NEDD9: variants seen among roughly 807,000 people sequenced by gnomAD.
NEDD9 encodes neural precursor cell expressed, developmentally down-regulated 9.
In NEDD9, 26 loss-of-function variants were observed where a neutral mutation model predicts 76.6. The observed-to-expected ratio is 0.34, with a 90% CI of 0.25 to 0.47. The LOEUF (loss-of-function observed/expected upper bound fraction) is 0.47. Among genes scored for constraint, NEDD9 ranks in the 20% least tolerant of loss-of-function variants. The pLI, the probability that NEDD9 is intolerant of heterozygous loss-of-function variation, is 1.00. For missense variants in NEDD9, 937 were observed against 1,058.5 expected (o/e 0.89, Z 1.59); for synonymous variants, 392 against 414.2 (o/e 0.95, Z 0.65).
intron 1 of NEDD9, among the ~76,000 whole-genome samples, chr6:11,218,863 G>T (rs1759053542): frequency 6.6e-6 from 1 of 152,188 alleles, no homozygotes; most frequent in Non-Finnish European, 1.5e-5. Flanking sequence ...ACAGGATAAT[G>T]ACGCAGATCG....
intron 3 of NEDD9, among the ~76,000 whole-genome samples, chr6:11,288,585 C>T (rs941550297): frequency 2.0e-5 from 3 of 152,192 alleles, no homozygotes; most frequent in Admixed American, 1.3e-4. Context: ...TCAACACTGC[C>T]AAGACTATGT....
chr6:11,305,940 A>G, intron 3 of NEDD9: 2 of 1,605,172 alleles, frequency 1.2e-6, no homozygotes, highest in Non-Finnish European at 1.7e-6. Context: ...AGGCTGAGCA[A>G]ACTGGAAAAA....
rs1273622958 is a variant in NEDD9 at position 11,184,838 on chromosome 6, G to T, written c.*324C>A. The T allele has an allele frequency of 5.1e-6, 1 of 194,972 alleles. No individual in the cohort carries two copies. Among genetic ancestry groups the T allele is most frequent in the Non-Finnish European group, 1.0e-5 (1 of 95,862 alleles). 12.1% of individuals were successfully genotyped at this position (194,972 alleles called of 1,614,324 possible). A position where few individuals can be genotyped will look rare whatever the true frequency, so the allele number is the denominator to read the frequency against. On this transcript the variant is annotated 3_prime_UTR_variant, in exon 7 of 7. Coordinates refer to ENST00000379446, the MANE Select transcript of NEDD9 (RefSeq NM_006403.4). ...TTACTAAGGTGCTTCGTAATTCATG[G>T]TTTTTTTTTTAATGAAATGCATCAG...
At chr6:11,283,756 G>A (rs185500907) in intron 3 of NEDD9, among the ~76,000 whole-genome samples, 2 of 152,232 alleles carry the variant, frequency 1.3e-5, no homozygotes, top group East Asian at 1.9e-4. Flanking sequence ...AAGATAATTC[G>A]TATTTTTATA....
chr6:11,251,785 T>C (rs928115303), intron 3 of NEDD9: 1 of 152,244 alleles, frequency 6.6e-6, no homozygotes, highest in Non-Finnish European at 1.5e-5. Flanking sequence ...GAGAATATTG[T>C]CCTTTTTCTG....
In NEDD9 at chr6:11,188,237, A is replaced by C. The variant is rs1758025882; in HGVS notation, c.1976T>G (p.Met659Arg). ...EKENIMKQNK[M>R]QLEHHQLSQF... The stretch of plus-strand genomic sequence containing the variant: ...ACTTACCTGATGATGTTCCAGCTGC[A>C]TCTTGTTCTGTTTCATGATATTCTC... The change falls in exon 6 of 7, where the codon ATG (methionine) becomes AGG (arginine). Residue 659 changes from methionine (M) to arginine (R), a missense_variant. Transcript: ENST00000379446. The C allele has an allele frequency of 1.9e-6, 3 of 1,614,006 alleles. No individual in the cohort carries two copies. The highest frequency in any genetic ancestry group is 2.5e-6 in the Non-Finnish European group (3 of 1,179,986).
intron 1 of NEDD9, among the ~76,000 whole-genome samples, chr6:11,362,315 G>A (rs76164308): frequency 0.066 from 10,036 of 152,208 alleles, 368 homozygotes; most frequent in Non-Finnish European, 0.067. Context: ...TTTACAAGCC[G>A]CCTAGTCTAT....
intron 2 of NEDD9, among the ~76,000 whole-genome samples, chr6:11,209,970 C>A (rs200183879): frequency 1.1e-4 from 14 of 131,072 alleles, no homozygotes; most frequent in Non-Finnish European, 1.6e-5. Flanking sequence ...AATTCACTGT[C>A]TTTTTTTTTT....
At chr6:11,188,623 C>A (rs982193599) in intron 5 of NEDD9, among the ~76,000 whole-genome samples, 1 of 152,116 alleles carries the variant, frequency 6.6e-6, no homozygotes, top group Non-Finnish European at 1.5e-5. Flanking sequence ...AACCTGTAAA[C>A]CCCCAAATGC....
intron 1 of NEDD9, among the ~76,000 whole-genome samples, chr6:11,225,099 G>A (rs895399019): frequency 6.6e-6 from 1 of 151,766 alleles, no homozygotes; most frequent in African/African-American, 2.4e-5. Flanking sequence ...TCCATCCACC[G>A]CCCCCCTGCC....
At chr6:11,229,099 TTCAC>T (rs1463749439) in intron 1 of NEDD9, among the ~76,000 whole-genome samples, 1 of 152,232 alleles carries the variant, frequency 6.6e-6, no homozygotes, top group Admixed American at 6.5e-5. Flanking sequence ...TCCAAAGCGT[TTCAC>T]GGCACACAGG....
intron 3 of NEDD9, among the ~76,000 whole-genome samples, chr6:11,272,770 C>T (rs1581992724): frequency 6.6e-6 from 1 of 152,164 alleles, no homozygotes; most frequent in Admixed American, 6.5e-5. Flanking sequence ...GCCTGGGAGC[C>T]GCAGTTGGAA....
chr6:11,355,644 G>T (rs182264929), intron 1 of NEDD9, among the ~76,000 whole-genome samples: 1 of 152,020 alleles, frequency 6.6e-6, no homozygotes, highest in African/African-American at 2.4e-5. Context: ...TGAATGGGGC[G>T]TATGTGGCAG....
At chr6:11,307,515 GC>G (rs1761224546) in intron 2 of NEDD9, among the ~76,000 whole-genome samples, 1 of 151,984 alleles carries the variant, frequency 6.6e-6, no homozygotes, top group Non-Finnish European at 1.5e-5. Context: ...TCTGTCTATT[GC>G]TTCTTTAGGT....
At chr6:11,379,976 G>T (rs1763033144) in intron 1 of NEDD9, among the ~76,000 whole-genome samples, 1 of 152,342 alleles carries the variant, frequency 6.6e-6, no homozygotes, top group East Asian at 1.9e-4. Context: ...ACAAAGTGAA[G>T]GTCATTTGCA....
chr6:11,333,857 G>A (rs1275351249), intron 2 of NEDD9, among the ~76,000 whole-genome samples: 1 of 152,214 alleles, frequency 6.6e-6, no homozygotes, highest in Non-Finnish European at 1.5e-5. Flanking sequence ...GTTCACCATC[G>A]TTGAGGTTGA....
At position 11,370,100 on chromosome 6, in the gene NEDD9, TAA is replaced by T. The variant is rs1225398851; in HGVS notation, c.-214+12037_-214+12038del. ...CATTAGGGATGTCAACTGAGGTATA[TAA>T]AGAGTCTTTTCCCTAAGGAACATTT... is the stretch of plus-strand genomic sequence containing the variant. On this transcript the variant is annotated intron_variant, in intron 1 of 3. Coordinates refer to the NEDD9 transcript ENST00000397378. This position sits in a 1 kb window ranked among gnomAD's most constrained non-coding sequence, Gnocchi z 4.2. Among the ~76,000 whole-genome samples the T allele has an allele frequency of 6.6e-6, 1 of 152,228 alleles. No individual in the cohort carries two copies. Among genetic ancestry groups the T allele is most frequent in the East Asian group, 1.9e-4 (1 of 5,202 alleles).
At chr6:11,319,891 C>A (rs1245527681) in intron 2 of NEDD9, among the ~76,000 whole-genome samples, 1 of 152,222 alleles carries the variant, frequency 6.6e-6, no homozygotes, top group East Asian at 1.9e-4. Context: ...CACATGCACA[C>A]AAAGTCTGTC....
intron 3 of NEDD9, among the ~76,000 whole-genome samples, chr6:11,301,342 T>A (rs1050621095): frequency 3.3e-5 from 5 of 152,100 alleles, no homozygotes; most frequent in African/African-American, 1.2e-4. Context: ...ATGCACCCAA[T>A]ACAGGAGCAA....
Sources: allele counts gnomAD v4.1 joint callset (sites outside exome capture counted in the v4.1 genomes callset), GRCh38; gene constraint gnomAD v4.1.1; non-coding constraint Gnocchi (gnomAD v3.1); transcripts MANE v1.5; gene names NCBI Gene and HGNC (gene_info 2026-07-23, HGNC 2026-07-21).